TBC1D30: variants seen among roughly 807,000 people sequenced by gnomAD.
TBC1D30 encodes TBC1 domain family member 30.
Under a neutral mutation model 63.2 loss-of-function variants are expected in TBC1D30, and 31 were observed. The ratio of observed to expected loss-of-function variants is 0.49; its 90% CI spans 0.37 to 0.66. TBC1D30 has a LOEUF of 0.66. Ranked by LOEUF, TBC1D30 falls within the 30% of genes least tolerant of loss-of-function variation. The pLI is 0.00. For synonymous variants in TBC1D30, 307 were observed against 361.5 expected, an observed-to-expected ratio of 0.85 and a Z score of 1.71; for missense variants, 810 against 953.6, an observed-to-expected ratio of 0.85 and a Z score of 1.98.
chr12:64,843,605 A>G lies in TBC1D30; in HGVS notation c.1038+120A>G, dbSNP rs1006861105. 2.2e-5 allele frequency: 15 copies of G among 671,128 alleles called. No individual in the cohort carries two copies. In the African/African-American group the frequency reaches 2.3e-4, roughly 10 times the overall value. The allele number at this position is 671,128 out of a possible 1,614,324, so 41.6% of individuals were successfully genotyped here. On this transcript the variant is annotated intron_variant, in intron 8 of 11. Coordinates refer to ENST00000539867, the MANE Select transcript of TBC1D30 (RefSeq NM_015279.2). ...TTAGCTGTCAGACTTAGTTTCTCAA[A>G]TTGACCAAGAGTCTGTTTATAATTT...
In TBC1D30 at chr12:64,858,686, C is replaced by T. The variant is rs1041186003; in HGVS notation, c.1039-5982C>T. 3.9e-5 allele frequency among the ~76,000 whole-genome samples: 6 copies of T among 152,298 alleles called. No individual in the cohort carries two copies. In the South Asian group the frequency reaches 8.3e-4, roughly 21 times the overall value. On this transcript the variant is annotated intron_variant, in intron 8 of 11. Transcript: ENST00000539867. Reference sequence around the variant, plus strand: ...TTCAGCACTTCCTTGTTACTAACCACGGTAAATAAAATGCTTCAGCCTGAT... The same window carrying T: ...TTCAGCACTTCCTTGTTACTAACCATGGTAAATAAAATGCTTCAGCCTGAT...
chr12:64,845,442 G>C (rs980767112), intron 8 of TBC1D30, among the ~76,000 whole-genome samples: 1 of 152,104 alleles, frequency 6.6e-6, no homozygotes, highest in Non-Finnish European at 1.5e-5. Context: ...AATTGCTCCT[G>C]GGGGCTGAGC....
intron 2 of TBC1D30, among the ~76,000 whole-genome samples, chr12:64,804,394 A>T (rs1476730395): frequency 2.6e-5 from 4 of 152,150 alleles, no homozygotes; most frequent in African/African-American, 9.7e-5. Context: ...TTGGGCTGAG[A>T]TGATGGGGTT....
At chr12:64,799,779 A>G (rs1237178131) in intron 2 of TBC1D30, among the ~76,000 whole-genome samples, 1 of 152,202 alleles carries the variant, frequency 6.6e-6, no homozygotes, top group East Asian at 1.9e-4. Context: ...CTAATCTTCA[A>G]AGCACTAGGG....
intron 8 of TBC1D30, among the ~76,000 whole-genome samples, chr12:64,845,667 A>G (rs1263267361): frequency 6.7e-6 from 1 of 149,508 alleles, no homozygotes; most frequent in Non-Finnish European, 1.5e-5. Flanking sequence ...CAGAGCTTGC[A>G]GTGAGCCGAG....
chr12:64,766,725 C>T (rs935406586), intron 1 of TBC1D30, among the ~76,000 whole-genome samples: 16 of 152,134 alleles, frequency 1.1e-4, no homozygotes, highest in African/African-American at 3.9e-4. Context: ...ACTCTCCACC[C>T]AACAAGAGCA....
upstream of TBC1D30, among the ~76,000 whole-genome samples, chr12:64,779,511 C>G (rs1871172027): frequency 6.6e-6 from 1 of 151,962 alleles, no homozygotes; most frequent in Non-Finnish European, 1.5e-5. Context: ...AAAAAGGGCC[C>G]TTTTATTGCA....
chr12:64,857,006 C>T (rs772906656), intron 8 of TBC1D30, among the ~76,000 whole-genome samples: 1 of 152,090 alleles, frequency 6.6e-6, no homozygotes, highest in Non-Finnish European at 1.5e-5. Context: ...CTCCCCACTG[C>T]CCCAGGGCAG....
chr12:64,789,632 A>G (rs1483330162), intron 2 of TBC1D30, among the ~76,000 whole-genome samples: 1 of 152,232 alleles, frequency 6.6e-6, no homozygotes, highest in East Asian at 1.9e-4. Flanking sequence ...CAAAATGGCT[A>G]GATCATTTTT....
At chr12:64,798,317 C>T (rs1295159306) in intron 2 of TBC1D30, among the ~76,000 whole-genome samples, 1 of 152,104 alleles carries the variant, frequency 6.6e-6, no homozygotes, top group Non-Finnish European at 1.5e-5. Context: ...TGACAACTGC[C>T]ATTTTTACAC....
chr12:64,787,671 A>G (rs944834800), intron 2 of TBC1D30, among the ~76,000 whole-genome samples: 1 of 152,090 alleles, frequency 6.6e-6, no homozygotes, highest in African/African-American at 2.4e-5. Flanking sequence ...CTTCTATTAT[A>G]TTGCTGTTTG....
chr12:64,870,928 T>C, intron 11 of TBC1D30, 120 bp downstream of exon 11: 1 of 915,976 alleles, frequency 1.1e-6, no homozygotes, highest in South Asian at 1.6e-5. Context: ...TCAACACAGC[T>C]GGCATGACAT....
At chr12:64,862,927 C>A (rs1359602326) in intron 8 of TBC1D30, among the ~76,000 whole-genome samples, 1 of 152,136 alleles carries the variant, frequency 6.6e-6, no homozygotes, top group Non-Finnish European at 1.5e-5. Context: ...AGAGAAGGTG[C>A]TGTGCTCTGG....
intron 1 of TBC1D30, among the ~76,000 whole-genome samples, chr12:64,782,942 T>C (rs1227511977): frequency 6.6e-6 from 1 of 152,354 alleles, no homozygotes; most frequent in East Asian, 1.9e-4. Flanking sequence ...CTCCCCTTTA[T>C]TGATAACATC....
intron 2 of TBC1D30, among the ~76,000 whole-genome samples, chr12:64,801,380 G>A (rs1872575374): frequency 6.6e-6 from 1 of 152,180 alleles, no homozygotes; most frequent in South Asian, 2.1e-4. Context: ...AAGCAAGAGA[G>A]GCAGGTGGGG....
chr12:64,851,363 C>A (rs1401322153), intron 8 of TBC1D30, among the ~76,000 whole-genome samples: 1 of 151,950 alleles, frequency 6.6e-6, no homozygotes, highest in Non-Finnish European at 1.5e-5. Context: ...AAATTTCAGG[C>A]CAATATCCCA....
chr12:64,760,626 G>C (rs1870468381), intron 1 of TBC1D30, among the ~76,000 whole-genome samples: 1 of 151,894 alleles, frequency 6.6e-6, no homozygotes, highest in African/African-American at 2.4e-5. Context: ...TCCCCAGACC[G>C]ATATAACAAG....
intron 8 of TBC1D30, among the ~76,000 whole-genome samples, chr12:64,861,463 T>G (rs1168007251): frequency 6.6e-6 from 1 of 152,192 alleles, no homozygotes; most frequent in African/African-American, 2.4e-5. Flanking sequence ...GTGGGCTGAA[T>G]GTAAGGTCTT....
At chr12:64,773,852 A>G (rs1870988502) in intron 1 of TBC1D30, among the ~76,000 whole-genome samples, 1 of 152,238 alleles carries the variant, frequency 6.6e-6, no homozygotes, top group South Asian at 2.1e-4. Flanking sequence ...CAGCACAAGA[A>G]TGCTGAAAAC....
Sources: gnomAD v4.1 joint callset for allele counts (sites outside exome capture counted in the v4.1 genomes callset) on GRCh38, gnomAD v4.1.1 for gene constraint, MANE v1.5 for transcripts, NCBI Gene and HGNC (gene_info 2026-07-23, HGNC 2026-07-21) for gene names.